Variants in CPEB3 observed in about 807,000 individuals in gnomAD.
CPEB3 encodes cytoplasmic polyadenylation element-binding protein 3.
In CPEB3, 20 loss-of-function variants were observed where a neutral mutation model predicts 67.2. The ratio of observed to expected loss-of-function variants is 0.30; its 90% CI spans 0.21 to 0.43. CPEB3 has a LOEUF of 0.43. Among genes scored for constraint, CPEB3 ranks in the 20% least tolerant of loss-of-function variants. The pLI is 1.00. For synonymous variants in CPEB3, 376 were observed against 393.1 expected, an observed-to-expected ratio of 0.96 and a Z score of 0.51; for missense variants, 746 against 968.6, an observed-to-expected ratio of 0.77 and a Z score of 3.05.
chr10:92,054,131 T>A (rs1048221737), intron 9 of CPEB3, among the ~76,000 whole-genome samples: 2 of 152,154 alleles, frequency 1.3e-5, no homozygotes, highest in African/African-American at 2.4e-5. Context: ...ATAATTCACA[T>A]AAGAATTCAC....
At chr10:92,199,163 A>G (rs1233609174) in intron 2 of CPEB3, among the ~76,000 whole-genome samples, 3 of 152,030 alleles carry the variant, frequency 2.0e-5, no homozygotes, top group Non-Finnish European at 4.4e-5. Flanking sequence ...AGGCTGAGGC[A>G]GGCGGATCAC....
intron 2 of CPEB3, among the ~76,000 whole-genome samples, chr10:92,238,610 A>G (rs1590489734): frequency 7.1e-6 from 1 of 140,880 alleles, no homozygotes; most frequent in East Asian, 2.0e-4. Flanking sequence ...GTCACGTCCT[A>G]TTGTCTCTTA....
chr10:92,259,386 G>A (rs1852688557), intron 1 of CPEB3, among the ~76,000 whole-genome samples: 1 of 151,886 alleles, frequency 6.6e-6, no homozygotes, highest in African/African-American at 2.4e-5. Flanking sequence ...CAGATCACCT[G>A]AGGTCAGGAG....
At position 92,081,385 on chromosome 10, in the gene CPEB3, G is replaced by A. The variant is rs1309975178; in HGVS notation, c.1804C>T (p.Gln602Ter). ...GCGCTGATGGCTGCAATGTAACTCT[G>A]CTGATTGGAGAATGCCACGCGGCCA... is the stretch of plus-strand genomic sequence containing the variant. The part of the protein sequence containing the change: ...GAGRVAFSNQ[Q>*]SYIAAISARF... The change falls in exon 9 of 10, where the codon CAG becomes TAG. Residue 602 changes from glutamine (Q) to a stop codon, truncating the protein, a stop_gained. Coordinates refer to ENST00000265997, the MANE Select transcript of CPEB3 (RefSeq NM_014912.5). LOFTEE classifies it high-confidence loss of function. The A allele has an allele frequency of 6.2e-7, 1 of 1,614,082 alleles. No homozygotes were observed. Among genetic ancestry groups the A allele is most frequent in the Non-Finnish European group, 8.5e-7 (1 of 1,180,048 alleles).
intron 9 of CPEB3, among the ~76,000 whole-genome samples, chr10:92,066,381 C>T (rs544515110): frequency 6.6e-6 from 1 of 151,376 alleles, no homozygotes; most frequent in Non-Finnish European, 1.5e-5. Context: ...AACAGCATCT[C>T]CAAAAATAAA....
chr10:92,157,842 A>C (rs556835054), intron 4 of CPEB3, among the ~76,000 whole-genome samples: 1 of 152,314 alleles, frequency 6.6e-6, no homozygotes, highest in Admixed American at 6.5e-5. Flanking sequence ...CTTTTTTATA[A>C]TTAAAAGAAC....
In CPEB3 at chr10:92,051,891, C is replaced by T. The variant is rs560662442; in HGVS notation, c.*321G>A. On this transcript the variant is annotated 3_prime_UTR_variant, in exon 10 of 10. Transcript: ENST00000265997. ...AAAAGAATCACAGACAGTAGCCTGA[C>T]GGCCGCTGATGAGAATGGCAGTCTA... 3.6e-5 allele frequency: 8 copies of T among 221,972 alleles called. No individual in the cohort carries two copies. Among genetic ancestry groups the T allele is most frequent in the East Asian group, 1.0e-4 (1 of 9,730 alleles). The allele number at this position is 221,972 out of a possible 1,614,324, so 13.8% of individuals were successfully genotyped here.
chr10:92,253,533 T>C (rs1852397475), intron 1 of CPEB3, among the ~76,000 whole-genome samples: 1 of 151,752 alleles, frequency 6.6e-6, no homozygotes, highest in Admixed American at 6.6e-5. Flanking sequence ...ATTTTTTGTG[T>C]AATTTTCTGT....
At chr10:92,279,749 A>C (rs924800691) in intron 1 of CPEB3, among the ~76,000 whole-genome samples, 2 of 152,162 alleles carry the variant, frequency 1.3e-5, no homozygotes, top group East Asian at 1.9e-4. Flanking sequence ...TATCAATAAA[A>C]ATAAAAACTA....
At chr10:92,116,182 A>G (rs1196452105) in intron 6 of CPEB3, among the ~76,000 whole-genome samples, 2 of 151,490 alleles carry the variant, frequency 1.3e-5, no homozygotes, top group African/African-American at 4.9e-5. Flanking sequence ...TTAATATTCA[A>G]TAAGGAAAAT....
chr10:92,160,436 C>T (rs531805218), intron 4 of CPEB3, among the ~76,000 whole-genome samples: 22 of 152,188 alleles, frequency 1.4e-4, no homozygotes, highest in South Asian at 8.3e-4. Flanking sequence ...TTTGCTTCAT[C>T]CATAATTATA....
intron 4 of CPEB3, among the ~76,000 whole-genome samples, chr10:92,174,302 G>A (rs868364894): frequency 6.6e-5 from 10 of 152,316 alleles, no homozygotes; most frequent in Middle Eastern, 6.8e-3. Flanking sequence ...CAACACAAAT[G>A]TTCATGTCAA....
At chr10:92,225,456 G>A (rs1850923786) in intron 2 of CPEB3, among the ~76,000 whole-genome samples, 1 of 152,008 alleles carries the variant, frequency 6.6e-6, no homozygotes, top group Non-Finnish European at 1.5e-5. Context: ...AGGATCTCTT[G>A]AACCCAGTTG....
At chr10:92,251,409 CTT>C (rs1852297989) in intron 1 of CPEB3, among the ~76,000 whole-genome samples, 1 of 151,840 alleles carries the variant, frequency 6.6e-6, no homozygotes, top group Non-Finnish European at 1.5e-5. Context: ...CTCTCTCTCT[CTT>C]CTTTGCTAAC....
At chr10:92,147,643 T>C (rs982378494) in intron 4 of CPEB3, among the ~76,000 whole-genome samples, 4 of 152,112 alleles carry the variant, frequency 2.6e-5, no homozygotes, top group African/African-American at 9.7e-5. Flanking sequence ...TAAATAATTA[T>C]AAAACAGAGA....
intron 1 of CPEB3, among the ~76,000 whole-genome samples, chr10:92,280,654 GAAAA>G (rs373137395): frequency 2.5e-5 from 2 of 81,062 alleles, no homozygotes; most frequent in African/African-American, 5.6e-5. Context: ...GGCCGAGAGT[GAAAA>G]AAAAAAAAAA....
chr10:92,151,372 A>G (rs1206762889), intron 4 of CPEB3, among the ~76,000 whole-genome samples: 3 of 152,188 alleles, frequency 2.0e-5, no homozygotes, highest in African/African-American at 7.2e-5. Flanking sequence ...GGGGTTTAAG[A>G]AAAAGGAATT....
At chr10:92,191,317 ATT>A (rs1407136378) in intron 3 of CPEB3, among the ~76,000 whole-genome samples, 1 of 151,958 alleles carries the variant, frequency 6.6e-6, no homozygotes, top group Non-Finnish European at 1.5e-5. Context: ...CAGAATAATC[ATT>A]TGAACCTAGG....
intron 1 of CPEB3, among the ~76,000 whole-genome samples, chr10:92,280,868 TC>T (rs1314941906): frequency 6.8e-6 from 1 of 148,030 alleles, no homozygotes; most frequent in Admixed American, 6.9e-5. Context: ...CAAGCAATTC[TC>T]CTGCCTCAGC....
Sources: allele counts gnomAD v4.1 joint callset (sites outside exome capture counted in the v4.1 genomes callset), GRCh38; gene constraint gnomAD v4.1.1; transcripts MANE v1.5; gene names NCBI Gene and HGNC (gene_info 2026-07-23, HGNC 2026-07-21).